RNF217: variants seen among roughly 807,000 people sequenced by gnomAD.
RNF217 encodes E3 ubiquitin-protein ligase RNF217.
In RNF217, 31 loss-of-function variants were observed where a neutral mutation model predicts 57.8. The observed-to-expected ratio is 0.54, with a 90% CI of 0.40 to 0.72. The LOEUF is 0.72. RNF217 is among the 30% of genes least tolerant of loss of function. RNF217 has a pLI of 0.00. For missense variants in RNF217, 696 were observed against 708.3 expected, an observed-to-expected ratio of 0.98 and a Z score of 0.20; for synonymous variants, 313 against 294.0, an observed-to-expected ratio of 1.06 and a Z score of -0.66.
intron 2 of RNF217, chr6:125,048,283 A>T (rs1371121794): frequency 7.6e-7 from 1 of 1,320,396 alleles, no homozygotes. Flanking sequence ...ATTTTGCAGT[A>T]TTTTTAAAAA....
Position 125,084,614 on chromosome 6 carries a change from G to T in RNF217, c.*1677G>T, listed in dbSNP as rs1028392938. The T allele has an allele frequency of 2.0e-5, 3 of 151,938 alleles. No individual in the cohort carries two copies. In the South Asian group the frequency reaches 6.2e-4, roughly 31 times the overall value. 9.4% of individuals were successfully genotyped at this position (151,938 alleles called of 1,614,324 possible). A position where few individuals can be genotyped will look rare whatever the true frequency, so the allele number is the denominator to read the frequency against. On this transcript the variant is annotated 3_prime_UTR_variant, in exon 6 of 6. Coordinates refer to ENST00000521654, the MANE Select transcript of RNF217 (RefSeq NM_001286398.3). Reference sequence around the variant, plus strand: ...TTTTATTTTTTGTTTGACATAAAAAGTGAAGTTGACTTGCGTGAATAACAA... The same window carrying T: ...TTTTATTTTTTGTTTGACATAAAAATTGAAGTTGACTTGCGTGAATAACAA...
chr6:125,071,163 G>A (rs772920306), intron 3 of RNF217, among the ~76,000 whole-genome samples: 1 of 152,164 alleles, frequency 6.6e-6, no homozygotes, highest in Non-Finnish European at 1.5e-5. Context: ...TGGTTCCCAA[G>A]TTAGGATGGT....
chr6:125,057,809 G>T, intron 2 of RNF217, 133 bp from the exon 3 acceptor site: 1 of 649,014 alleles, frequency 1.5e-6, no homozygotes. Flanking sequence ...TCTTCCTGTA[G>T]TTTGAGTCTT....
intron 1 of RNF217, among the ~76,000 whole-genome samples, chr6:125,019,089 C>T (rs1170516234): frequency 6.6e-6 from 1 of 152,162 alleles, no homozygotes; most frequent in Non-Finnish European, 1.5e-5. Flanking sequence ...TGCCTCTGAT[C>T]ACAGAGATGC....
intron 1 of RNF217, chr6:125,009,351 C>T (rs902307829): frequency 9.7e-7 from 1 of 1,029,382 alleles, no homozygotes; most frequent in Non-Finnish European, 1.5e-6. Context: ...CTTCAAAACA[C>T]CTCCTGTGAA....
At position 125,082,883 on chromosome 6, in the gene RNF217, C is replaced by A; in HGVS notation, c.1575C>A (p.Ile525=). The A allele has an allele frequency of 6.2e-7, 1 of 1,603,210 alleles. No individual in the cohort carries two copies. The highest frequency in any genetic ancestry group is 1.7e-4 in the Middle Eastern group (1 of 6,028). The change falls in exon 6 of 6, where the codon ATC becomes ATA. Residue 525 remains isoleucine (I), a synonymous_variant. Coordinates refer to ENST00000521654, the MANE Select transcript of RNF217 (RefSeq NM_001286398.3). ...CCCTAGGTTTATTTGTATTTCCTATCTATTGCCTTTGTAAAAAACAGAGAA... is the reference window on the plus strand; with the variant it reads ...CCCTAGGTTTATTTGTATTTCCTATATATTGCCTTTGTAAAAAACAGAGAA... The part of the protein sequence containing the change: ...AVVIGLFVFP[I]YCLCKKQRKR...
intron 1 of RNF217, among the ~76,000 whole-genome samples, chr6:125,016,943 G>T (rs1785636997): frequency 6.6e-6 from 1 of 152,076 alleles, no homozygotes; most frequent in South Asian, 2.1e-4. Context: ...GAAATAGTTG[G>T]AAATTAGAAT....
intron 1 of RNF217, among the ~76,000 whole-genome samples, chr6:124,991,789 A>C (rs1277918165): frequency 2.6e-5 from 4 of 152,172 alleles, no homozygotes; most frequent in African/African-American, 4.8e-5. Flanking sequence ...GTACTATTCA[A>C]ATGTAAATTA....
rs1310456410 is a variant in RNF217 at position 125,034,501 on chromosome 6, G to T, written c.883-10710G>T. On this transcript the variant is annotated intron_variant, in intron 1 of 5. Coordinates refer to ENST00000521654, the MANE Select transcript of RNF217 (RefSeq NM_001286398.3). ...TGTCAGGTTTGTCAAAGATCAGATA[G>T]TTGTAGATATGCGACATTATTTCTG... Among the ~76,000 whole-genome samples the T allele has an allele frequency of 2.6e-5, 4 of 152,180 alleles. No homozygotes were observed. In the East Asian group the frequency reaches 7.7e-4, roughly 29 times the overall value.
In RNF217 at chr6:125,085,791, G is replaced by A. The variant is rs1788753168; in HGVS notation, c.*2854G>A. The A allele has an allele frequency of 6.6e-6, 1 of 151,856 alleles. No individual in the cohort carries two copies. The highest frequency in any genetic ancestry group is 2.4e-5 in the African/African-American group (1 of 41,400). The allele number at this position is 151,856 out of a possible 1,614,324, so 9.4% of individuals were successfully genotyped here. ...ACACTTTCTACAAATATACAAATAA[G>A]TGTGTTTGTGTATGTGTCTGTGTGT... On this transcript the variant is annotated 3_prime_UTR_variant, in exon 6 of 6. Transcript: ENST00000521654.
intron 1 of RNF217, among the ~76,000 whole-genome samples, chr6:124,978,439 G>A: frequency 6.6e-6 from 1 of 151,358 alleles, no homozygotes; most frequent in Non-Finnish European, 1.5e-5. Context: ...GCAACTAGAT[G>A]AGGGGAATGC....
intron 4 of RNF217, among the ~76,000 whole-genome samples, chr6:125,077,830 C>A (rs546170903): frequency 6.6e-6 from 1 of 152,226 alleles, no homozygotes; most frequent in East Asian, 1.9e-4. Context: ...TTATGAAAAT[C>A]TTTATATCTC....
rs570123763 is a variant in RNF217 at position 125,084,459 on chromosome 6, T to A, written c.*1522T>A. 2.7e-4 allele frequency: 41 copies of A among 151,992 alleles called. No individual in the cohort carries two copies. The highest frequency in any genetic ancestry group is 5.2e-4 in the Non-Finnish European group (35 of 67,894). The allele number at this position is 151,992 out of a possible 1,614,324, so 9.4% of individuals were successfully genotyped here. ...AAGCTTTAAATTGTCTCCAAATTCT[T>A]AAAATTAGTCATCTGTCTTAGATGT... On this transcript the variant is annotated 3_prime_UTR_variant, in exon 6 of 6. Coordinates refer to ENST00000521654, the MANE Select transcript of RNF217 (RefSeq NM_001286398.3).
At chr6:124,997,829 G>C (rs1297974163) in intron 1 of RNF217, among the ~76,000 whole-genome samples, 1 of 152,074 alleles carries the variant, frequency 6.6e-6, no homozygotes. Context: ...CTAACTTAAT[G>C]TATTTCTCCA....
intron 1 of RNF217, among the ~76,000 whole-genome samples, chr6:124,967,375 C>A (rs537796123): frequency 4.3e-4 from 66 of 152,238 alleles, no homozygotes; most frequent in African/African-American, 1.5e-3. Context: ...AAATCTTCCA[C>A]CAATATTTTT....
intron 3 of RNF217, among the ~76,000 whole-genome samples, chr6:125,058,740 ACT>A (rs1280420057): frequency 6.6e-6 from 1 of 151,888 alleles, no homozygotes; most frequent in African/African-American, 2.4e-5. Context: ...GCCAGGGAAG[ACT>A]CTCCTACGGG....
intron 1 of RNF217, among the ~76,000 whole-genome samples, chr6:125,028,401 AT>A (rs1408336707): frequency 1.3e-5 from 2 of 151,978 alleles, no homozygotes; most frequent in East Asian, 1.9e-4. Flanking sequence ...TCTTTTGCCC[AT>A]TTTTTATTAG....
At chr6:125,066,221 A>G (rs553835358) in intron 3 of RNF217, among the ~76,000 whole-genome samples, 1 of 152,258 alleles carries the variant, frequency 6.6e-6, no homozygotes, top group African/African-American at 2.4e-5. Context: ...CATTCTTCAC[A>G]ACGTTCTTAA....
intron 1 of RNF217, among the ~76,000 whole-genome samples, chr6:125,021,156 C>G (rs1407734261): frequency 6.6e-6 from 1 of 152,078 alleles, no homozygotes; most frequent in Non-Finnish European, 1.5e-5. Context: ...TTTATAATAG[C>G]ATTAAGTTGG....
Sources: allele counts gnomAD v4.1 joint callset (sites outside exome capture counted in the v4.1 genomes callset), GRCh38; gene constraint gnomAD v4.1.1; transcripts MANE v1.5; gene names NCBI Gene and HGNC (gene_info 2026-07-23, HGNC 2026-07-21).